CAMK4: variants seen among roughly 807,000 people sequenced by gnomAD.
The protein encoded by CAMK4 is calcium/calmodulin dependent protein kinase IV, also known as calcium/calmodulin-dependent protein kinase type IV.
Under a neutral mutation model 44.9 loss-of-function variants are expected in CAMK4, and 22 were observed. The ratio of observed to expected loss-of-function variants is 0.49; its 90% confidence interval spans 0.35 to 0.70. The LOEUF is 0.70. CAMK4 is among the 30% of genes least tolerant of loss of function. CAMK4 has a pLI of 0.01. For synonymous variants in CAMK4, 218 were observed against 215.4 expected (o/e 1.01, Z -0.11); for missense variants, 498 against 586.8 (o/e 0.85, Z 1.56).
At chr5:111,451,838 G>T (rs1034714222) in intron 7 of CAMK4, among the ~76,000 whole-genome samples, 2 of 152,152 alleles carry the variant, frequency 1.3e-5, no homozygotes, top group African/African-American at 4.8e-5. Flanking sequence ...GTTAGAGGCT[G>T]CAGTGAGCTA....
intron 2 of CAMK4, among the ~76,000 whole-genome samples, chr5:111,348,757 C>T (rs1209113995): frequency 3.3e-5 from 5 of 151,956 alleles, no homozygotes; most frequent in African/African-American, 4.8e-5. Flanking sequence ...ATTTCAGATA[C>T]GTGAGCTTTC....
rs1447948683 is a variant in CAMK4 at position 111,486,638 on chromosome 5, C to T, written c.*2172C>T. ...AGAACACATCATTCCTCCCTGCCCACCCCCATATTGTTCCAAGGGCAGTTG... is the reference window on the plus strand; with the variant it reads ...AGAACACATCATTCCTCCCTGCCCATCCCCATATTGTTCCAAGGGCAGTTG... On this transcript the variant is annotated 3_prime_UTR_variant, in exon 11 of 11. Coordinates refer to ENST00000282356, the MANE Select transcript of CAMK4 (RefSeq NM_001744.6). The T allele has an allele frequency of 6.6e-6, 1 of 152,076 alleles. No individual in the cohort carries two copies. The highest frequency in any genetic ancestry group is 1.5e-5 in the Non-Finnish European group (1 of 68,054). The allele number at this position is 152,076 out of a possible 1,614,324, so 9.4% of individuals were successfully genotyped here. A position where few individuals can be genotyped will look rare whatever the true frequency, so the allele number is the denominator to read the frequency against.
At chr5:111,466,131 A>T (rs1012484624) in intron 7 of CAMK4, among the ~76,000 whole-genome samples, 1 of 152,170 alleles carries the variant, frequency 6.6e-6, no homozygotes, top group South Asian at 2.1e-4. Flanking sequence ...CAGGAAAAGC[A>T]TCTGACAAAA....
At chr5:111,426,297 A>T (rs1056051718) in intron 5 of CAMK4, among the ~76,000 whole-genome samples, 2 of 152,242 alleles carry the variant, frequency 1.3e-5, no homozygotes, top group East Asian at 3.8e-4. Flanking sequence ...ATGTTATGTT[A>T]AAGTGAATTT....
chr5:111,426,941 C>T (rs1028336325), intron 5 of CAMK4, among the ~76,000 whole-genome samples: 1 of 152,174 alleles, frequency 6.6e-6, no homozygotes, highest in Non-Finnish European at 1.5e-5. Flanking sequence ...AGGACTGCAA[C>T]TCTTACAAGA....
intron 5 of CAMK4, among the ~76,000 whole-genome samples, chr5:111,414,815 A>G (rs1354202835): frequency 6.6e-6 from 1 of 152,222 alleles, no homozygotes; most frequent in Non-Finnish European, 1.5e-5. Flanking sequence ...TTATCCAAAA[A>G]TGAATGAGAC....
At chr5:111,291,100 A>G (rs1391518973) in intron 1 of CAMK4, among the ~76,000 whole-genome samples, 1 of 152,200 alleles carries the variant, frequency 6.6e-6, no homozygotes, top group African/African-American at 2.4e-5. Context: ...ATTATCTAAA[A>G]TAATTATGCA....
chr5:111,375,989 C>T (rs1424154955), intron 3 of CAMK4, among the ~76,000 whole-genome samples: 1 of 152,038 alleles, frequency 6.6e-6, no homozygotes, highest in African/African-American at 2.4e-5. Context: ...TGGAGCTAGT[C>T]ACAAGATTAC....
At chr5:111,410,375 G>T (rs750825523) in intron 5 of CAMK4, among the ~76,000 whole-genome samples, 3 of 152,092 alleles carry the variant, frequency 2.0e-5, no homozygotes, top group Non-Finnish European at 2.9e-5. Flanking sequence ...GAACAGTATG[G>T]GGAACTGCCC....
At chr5:111,315,057 A>G (rs760612260) in intron 1 of CAMK4, among the ~76,000 whole-genome samples, 53 of 152,180 alleles carry the variant, frequency 3.5e-4, no homozygotes, top group Non-Finnish European at 2.8e-4. Flanking sequence ...TTTCCTGGTA[A>G]ACAAATTGTT....
chr5:111,252,235 C>A (rs1749533346), intron 1 of CAMK4, among the ~76,000 whole-genome samples: 2 of 152,190 alleles, frequency 1.3e-5, no homozygotes, highest in South Asian at 4.1e-4. Context: ...GTCTTGGCTT[C>A]TTCAGCTGAC....
At chr5:111,309,578 A>G (rs570855170) in intron 1 of CAMK4, among the ~76,000 whole-genome samples, 1 of 152,112 alleles carries the variant, frequency 6.6e-6, no homozygotes, top group Non-Finnish European at 1.5e-5. Context: ...TTAACAATCC[A>G]TTTTACTGCC....
Position 111,486,393 on chromosome 5 carries a change from A to AT in CAMK4, c.*1928dup, listed in dbSNP as rs1409177051. On this transcript the variant is annotated 3_prime_UTR_variant, in exon 11 of 11. Coordinates refer to ENST00000282356, the MANE Select transcript of CAMK4 (RefSeq NM_001744.6). ...TCTCAGAATTCCCATGTTGTCCATT[A>AT]TAAGGGGCTCGCTATTTTTAACCTT... 6.6e-6 allele frequency: 1 copy of AT among 151,754 alleles called. No homozygotes were observed. Among genetic ancestry groups the AT allele is most frequent in the Non-Finnish European group, 1.5e-5 (1 of 67,996 alleles). The allele number at this position is 151,754 out of a possible 1,614,324, so 9.4% of individuals were successfully genotyped here. A position where few individuals can be genotyped will look rare whatever the true frequency, so the allele number is the denominator to read the frequency against.
intron 1 of CAMK4, among the ~76,000 whole-genome samples, chr5:111,301,912 T>G (rs1442127348): frequency 6.6e-6 from 1 of 152,164 alleles, no homozygotes; most frequent in Non-Finnish European, 1.5e-5. Context: ...TTAGTTGGTT[T>G]TCATATGAGA....
chr5:111,294,602 A>G, intron 1 of CAMK4, among the ~76,000 whole-genome samples: 1 of 152,150 alleles, frequency 6.6e-6, no homozygotes, highest in East Asian at 1.9e-4. Context: ...TATAAATGCT[A>G]GCACTGTCTA....
chr5:111,440,839 C>A (rs1015400322), intron 5 of CAMK4, among the ~76,000 whole-genome samples: 5 of 152,122 alleles, frequency 3.3e-5, no homozygotes. Context: ...AGCAAGTTTT[C>A]CAAGTCTCAA....
intron 7 of CAMK4, among the ~76,000 whole-genome samples, chr5:111,457,273 C>T: frequency 6.6e-6 from 1 of 152,080 alleles, no homozygotes; most frequent in African/African-American, 2.4e-5. Context: ...ACACATTATG[C>T]AGAGCCATTT....
At chr5:111,426,122 T>A (rs1753218252) in intron 5 of CAMK4, among the ~76,000 whole-genome samples, 1 of 152,210 alleles carries the variant, frequency 6.6e-6, no homozygotes, top group African/African-American at 2.4e-5. Context: ...AGTAGGTTAT[T>A]TTCTCTGGTT....
chr5:111,299,802 T>C (rs1747643549), intron 1 of CAMK4, among the ~76,000 whole-genome samples: 2 of 152,334 alleles, frequency 1.3e-5, no homozygotes, highest in African/African-American at 4.8e-5. Context: ...CATCTGCAAG[T>C]TGATTTCCTC....
Sources: gnomAD v4.1 joint callset for allele counts (sites outside exome capture counted in the v4.1 genomes callset) on GRCh38, gnomAD v4.1.1 for gene constraint, MANE v1.5 for transcripts, NCBI Gene and HGNC (gene_info 2026-07-23, HGNC 2026-07-21) for gene names.